Variants in MAGI2 observed in about 807,000 individuals in gnomAD.
The protein encoded by MAGI2 is membrane associated guanylate kinase, WW and PDZ domain containing 2, also known as membrane-associated guanylate kinase, WW and PDZ domain-containing protein 2.
A neutral mutation model predicts 133.3 loss-of-function variants in MAGI2; 35 were observed. That is an observed-to-expected ratio of 0.26 (90% confidence interval 0.20 to 0.35). The LOEUF (loss-of-function observed/expected upper bound fraction) is 0.35. Ranked by LOEUF, MAGI2 falls within the 10% of genes least tolerant of loss-of-function variation. The pLI is 1.00. For synonymous variants in MAGI2, 729 were observed against 710.6 expected, an observed-to-expected ratio of 1.03 and a Z score of -0.41; for missense variants, 1,636 against 1,863.4, an observed-to-expected ratio of 0.88 and a Z score of 2.25.
chr7:78,514,238 A>G (rs997879160), intron 4 of MAGI2, among the ~76,000 whole-genome samples: 1 of 150,926 alleles, frequency 6.6e-6, no homozygotes, highest in Non-Finnish European at 1.5e-5. Flanking sequence ...TACAATCACT[A>G]TAATAGTTTA....
chr7:78,197,034 T>C (rs981277878), intron 11 of MAGI2, among the ~76,000 whole-genome samples: 5 of 152,212 alleles, frequency 3.3e-5, no homozygotes, highest in African/African-American at 1.2e-4. Flanking sequence ...CTGTTAAATA[T>C]GGTTTGAGTT....
intron 2 of MAGI2, among the ~76,000 whole-genome samples, chr7:78,979,193 T>C (rs966617543): frequency 1.3e-5 from 2 of 151,816 alleles, no homozygotes; most frequent in Admixed American, 6.6e-5. Flanking sequence ...ACCCCAGTAG[T>C]AATGAGCATA....
intron 2 of MAGI2, among the ~76,000 whole-genome samples, chr7:78,714,381 C>T (rs1266398372): frequency 1.3e-5 from 2 of 152,150 alleles, no homozygotes; most frequent in Admixed American, 1.3e-4. Flanking sequence ...TGCTGAGCCT[C>T]CAGTTCATCT....
intron 6 of MAGI2, among the ~76,000 whole-genome samples, chr7:78,373,130 C>T (rs1173340309): frequency 2.0e-5 from 3 of 152,088 alleles, no homozygotes; most frequent in Non-Finnish European, 2.9e-5. Flanking sequence ...CCAGGAATGC[C>T]ATTTTGATCA....
At chr7:78,162,330 G>A (rs915975241) in intron 15 of MAGI2, among the ~76,000 whole-genome samples, 3 of 148,474 alleles carry the variant, frequency 2.0e-5, no homozygotes, top group African/African-American at 5.0e-5. Context: ...TCGAGACCAC[G>A]GTGAAACCCC....
At chr7:78,447,602 T>C (rs1369127540) in intron 6 of MAGI2, among the ~76,000 whole-genome samples, 1 of 151,948 alleles carries the variant, frequency 6.6e-6, no homozygotes, top group African/African-American at 2.4e-5. Flanking sequence ...TCAAGTGAAG[T>C]GACATTTGGG....
chr7:78,802,744 A>G (rs910148240), intron 2 of MAGI2, among the ~76,000 whole-genome samples: 2 of 152,144 alleles, frequency 1.3e-5, no homozygotes, highest in African/African-American at 4.8e-5. Context: ...TTAAAAGTGC[A>G]ATCTCATGTA....
chr7:78,458,556 TTTAAA>T (rs1158886941), intron 6 of MAGI2, among the ~76,000 whole-genome samples: 2 of 152,052 alleles, frequency 1.3e-5, no homozygotes, highest in African/African-American at 2.4e-5. Flanking sequence ...TAAATAATAG[TTTAAA>T]TTATGTTACA....
chr7:79,283,742 A>G (rs959195681), intron 1 of MAGI2, among the ~76,000 whole-genome samples: 3 of 152,100 alleles, frequency 2.0e-5, no homozygotes, highest in African/African-American at 7.2e-5. Context: ...CTTATTATCT[A>G]TTAATACATA....
rs1351379510 is a variant in MAGI2, at chr7:78,243,263, ACACACACTCTCTCT to A, written c.2047+12666_2047+12679del. ...CACACACACACACACACACACACAC[ACACACACTCTCTCT>A]CTCTCTCTCTTATAAAACAAATGGG... On this transcript the variant is annotated intron_variant, in intron 10 of 21. Coordinates refer to ENST00000354212, the MANE Select transcript of MAGI2 (RefSeq NM_012301.4). Among the ~76,000 whole-genome samples, 381 of 62,380 alleles carry A rather than the reference ACACACACTCTCTCT, an allele frequency of 6.1e-3. 1 individual carries two copies. Among genetic ancestry groups the A allele is most frequent in the African/African-American group, 0.014 (348 of 25,190 alleles). The allele number at this position is 62,380 out of a possible 152,430, so 40.9% of individuals were successfully genotyped here.
chr7:79,381,105 GGA>G (rs1843741672), intron 1 of MAGI2, among the ~76,000 whole-genome samples: 1 of 150,034 alleles, frequency 6.7e-6, no homozygotes, highest in Non-Finnish European at 1.5e-5. Context: ...TCAAGTCTAA[GGA>G]CTCAATGCCA....
intron 6 of MAGI2, among the ~76,000 whole-genome samples, chr7:78,370,666 C>T (rs533843235): frequency 6.6e-6 from 1 of 152,012 alleles, no homozygotes; most frequent in Non-Finnish European, 1.5e-5. Flanking sequence ...GATTTTGTTT[C>T]TCTGTACCAT....
At chr7:79,145,734 A>AG (rs1822555379) in intron 1 of MAGI2, among the ~76,000 whole-genome samples, 3 of 152,120 alleles carry the variant, frequency 2.0e-5, no homozygotes, top group African/African-American at 7.2e-5. Flanking sequence ...TTAATTTCTG[A>AG]ATTTATTTTT....
chr7:78,366,009 C>T (rs1231386390), intron 7 of MAGI2, among the ~76,000 whole-genome samples: 1 of 152,138 alleles, frequency 6.6e-6, no homozygotes, highest in African/African-American at 2.4e-5. Context: ...CTCTTGTGTC[C>T]ATGCACGTAA....
At chr7:78,101,392 T>C (rs1229765764) in intron 20 of MAGI2, among the ~76,000 whole-genome samples, 3 of 152,030 alleles carry the variant, frequency 2.0e-5, no homozygotes, top group Admixed American at 2.0e-4. Context: ...AGAAATAAAC[T>C]CATGCATATG....
intron 1 of MAGI2, among the ~76,000 whole-genome samples, chr7:79,364,166 A>G (rs1842542896): frequency 6.6e-6 from 1 of 152,020 alleles, no homozygotes; most frequent in Admixed American, 6.5e-5. Context: ...GCCATTATAA[A>G]AAACAGTACA....
intron 1 of MAGI2, among the ~76,000 whole-genome samples, chr7:79,370,285 T>C (rs1441434197): frequency 6.6e-6 from 1 of 152,148 alleles, no homozygotes; most frequent in Non-Finnish European, 1.5e-5. Context: ...CCCTTACTTA[T>C]GAAAGTATTG....
chr7:78,964,113 C>A (rs899590330), intron 2 of MAGI2, among the ~76,000 whole-genome samples: 1 of 151,784 alleles, frequency 6.6e-6, no homozygotes, highest in African/African-American at 2.4e-5. Context: ...CCTTCTAATA[C>A]ATTTATAAAA....
chr7:79,205,275 C>T (rs576907187), intron 1 of MAGI2, among the ~76,000 whole-genome samples: 19 of 151,914 alleles, frequency 1.3e-4, no homozygotes, highest in Non-Finnish European at 2.8e-4. Flanking sequence ...ATAGAGACAG[C>T]ACCAGACTTC....
Sources: gnomAD v4.1 joint callset for allele counts (sites outside exome capture counted in the v4.1 genomes callset) on GRCh38, gnomAD v4.1.1 for gene constraint, MANE v1.5 for transcripts, NCBI Gene and HGNC (gene_info 2026-07-23, HGNC 2026-07-21) for gene names.